The following KATNB1 variants were observed in gnomAD, a reference collection of about 807,000 sequenced individuals.
The protein encoded by KATNB1 is katanin regulatory subunit B1.
In KATNB1, 38 loss-of-function variants were observed where a neutral mutation model predicts 82.3. The observed-to-expected ratio is 0.46, with a 90% CI of 0.36 to 0.61. The LOEUF is 0.61. KATNB1 is among the 20% of genes least tolerant of loss of function. The probability of loss-of-function intolerance (pLI) is 0.00; values close to 1 mark genes in which losing one functional copy is unlikely to be tolerated. For synonymous variants in KATNB1, 361 were observed against 368.7 expected (o/e 0.98, Z 0.24); for missense variants, 749 against 915.7 (o/e 0.82, Z 2.35).
rs149709076 is a variant in KATNB1 at position 57,744,402 on chromosome 16, G to A, written c.180G>A (p.Thr60=). 95 of 1,613,082 alleles carry A rather than the reference G, an allele frequency of 5.9e-5. 1 individual carries two copies. In the African/African-American group the frequency reaches 9.1e-4, roughly 15 times the overall value. Residue 60 remains threonine, a synonymous_variant, in exon 4 of 20, where the codon ACG becomes ACA. Coordinates refer to ENST00000379661, the MANE Select transcript of KATNB1 (RefSeq NM_005886.3). ...INKPNCIMSL[T]GHTSPVESVR... Reference sequence around the variant, plus strand: ...CTGCTCTCTCTCCACAGAGCCTGACGGGCCACACATCCCCAGTGGAGAGCG... The same window carrying A: ...CTGCTCTCTCTCCACAGAGCCTGACAGGCCACACATCCCCAGTGGAGAGCG...
chr16:57,748,314 A>C (rs1475216994), intron 4 of KATNB1, among the ~76,000 whole-genome samples: 1 of 152,086 alleles, frequency 6.6e-6, no homozygotes, highest in Non-Finnish European at 1.5e-5. Flanking sequence ...TTGAGGCCCC[A>C]GGTGTGGAAA....
Position 57,755,212 on chromosome 16 carries a change from G to C in KATNB1, c.1390G>C (p.Gly464Arg). 4 of 1,611,530 alleles carry C rather than the reference G, an allele frequency of 2.5e-6. No individual in the cohort carries two copies. Among genetic ancestry groups the C allele is most frequent in the Non-Finnish European group, 3.4e-6 (4 of 1,179,952 alleles). The change falls in exon 15 of 20, where the codon GGG becomes CGG. Residue 464 changes from glycine (G) to arginine (R), a missense_variant. By Grantham distance (125) the Gly-to-Arg change is moderately radical. Transcript: ENST00000379661. The stretch of plus-strand genomic sequence containing the variant: ...CCCTGCCACCCGGAACGAGCCCATC[G>C]GGCTGAAGGCCTCCGACTTCCTGCC... ...IIPATRNEPIGLKASDFLPAV... is the reference protein window; with the variant it reads ...IIPATRNEPIRLKASDFLPAV...
intron 4 of KATNB1, among the ~76,000 whole-genome samples, chr16:57,748,221 C>T (rs1555581961): frequency 1.3e-5 from 2 of 152,150 alleles, no homozygotes; most frequent in Non-Finnish European, 2.9e-5. Flanking sequence ...AACTTGCCAT[C>T]AGCACAGCAG....
Position 57,757,060 on chromosome 16 carries a change from C to T in KATNB1, c.*114C>T. On this transcript the variant is annotated 3_prime_UTR_variant, in exon 20 of 20. Transcript: ENST00000379661. ...CCTCTGCCTGGCCCCTGCTGCTGTC[C>T]TGTGGCCGTCCTGGAGGAGGTGATG... is the stretch of plus-strand genomic sequence containing the variant. 4 of 1,234,336 alleles carry T rather than the reference C, an allele frequency of 3.2e-6. No individual in the cohort carries two copies. Among genetic ancestry groups the T allele is most frequent in the Non-Finnish European group, 4.2e-6 (4 of 946,558 alleles). The allele number at this position is 1,234,336 out of a possible 1,614,324, so 76.5% of individuals were successfully genotyped here. A position where few individuals can be genotyped will look rare whatever the true frequency, so the allele number is the denominator to read the frequency against.
At chr16:57,738,120 T>C (rs1179737310) in intron 2 of KATNB1, among the ~76,000 whole-genome samples, 1 of 152,194 alleles carries the variant, frequency 6.6e-6, no homozygotes, top group African/African-American at 2.4e-5. Context: ...ATTTTGAGAA[T>C]TCCCCTACAC....
intron 3 of KATNB1, among the ~76,000 whole-genome samples, chr16:57,743,612 T>C (rs1421226650): frequency 1.3e-5 from 2 of 151,584 alleles, no homozygotes; most frequent in African/African-American, 4.9e-5. Flanking sequence ...TGCAGGCTTG[T>C]TTTAGAACGC....
At chr16:57,745,873 C>T (rs2049180866) in intron 4 of KATNB1, among the ~76,000 whole-genome samples, 1 of 152,010 alleles carries the variant, frequency 6.6e-6, no homozygotes, top group South Asian at 2.1e-4. Context: ...GAGTAAAGCT[C>T]CTCCTGTTTC....
intron 2 of KATNB1, among the ~76,000 whole-genome samples, chr16:57,740,440 A>G (rs2049133407): frequency 6.6e-6 from 1 of 152,164 alleles, no homozygotes; most frequent in Non-Finnish European, 1.5e-5. Flanking sequence ...CGCAGCAGAG[A>G]CACCCAGGCA....
intron 4 of KATNB1, among the ~76,000 whole-genome samples, chr16:57,748,723 C>T (rs1555582237): frequency 6.6e-6 from 1 of 152,226 alleles, no homozygotes; most frequent in African/African-American, 2.4e-5. Context: ...AGAATGTGGT[C>T]CTGCCTGCTT....
At chr16:57,736,404 C>A (rs1385234384) in intron 1 of KATNB1, among the ~76,000 whole-genome samples, 1 of 152,000 alleles carries the variant, frequency 6.6e-6, no homozygotes, top group African/African-American at 2.4e-5. Context: ...CATGAGGAGG[C>A]CTTTTAGAGT....
chr16:57,736,096 T>TG (rs1383769516), intron 1 of KATNB1: 4 of 152,198 alleles, frequency 2.6e-5, no homozygotes, highest in African/African-American at 9.7e-5. Flanking sequence ...GAAGCAGAGC[T>TG]GGGGGTCTGC....
rs782294121 is a variant in KATNB1, at chr16:57,753,382, C to A, written c.1047-7C>A. On this transcript the variant is annotated splice_region_variant and splice_polypyrimidine_tract_variant and intron_variant, in intron 11 of 19. Transcript: ENST00000379661. ...TGCTTCCGTTGGGCTTGGCCTCACG[C>A]TCCCAGGGTGAAGCAGAACTCAGAG... 3 of 1,610,946 alleles carry A rather than the reference C, an allele frequency of 1.9e-6. No homozygotes were observed. Among genetic ancestry groups the A allele is most frequent in the Non-Finnish European group, 2.5e-6 (3 of 1,178,654 alleles).
chr16:57,747,806 C>T (rs528138345), intron 4 of KATNB1, among the ~76,000 whole-genome samples: 7 of 152,342 alleles, frequency 4.6e-5, no homozygotes, highest in African/African-American at 7.2e-5. Flanking sequence ...CCGAGGGCGC[C>T]GTGCCCCCTG....
At chr16:57,742,583 A>G (rs1555580045) in intron 3 of KATNB1, among the ~76,000 whole-genome samples, 1 of 152,280 alleles carries the variant, frequency 6.6e-6, no homozygotes, top group Non-Finnish European at 1.5e-5. Context: ...ACTCTTGTGC[A>G]GCCTGGTTTT....
At position 57,751,714 on chromosome 16, in the gene KATNB1, A is replaced by G; in HGVS notation, c.506A>G (p.His169Arg). 1 of 1,610,000 alleles carries G rather than the reference A, an allele frequency of 6.2e-7. No individual in the cohort carries two copies. Among genetic ancestry groups the G allele is most frequent in the Non-Finnish European group, 8.5e-7 (1 of 1,179,992 alleles). ...GKWLASAADD[H>R]TVKLWDLTAG... ...TGGTTGGCGTCGGCCGCAGATGACC[A>G]CACCGTGAAGGTAGCTCCCGGCCTG... The change falls in exon 7 of 20, where the codon CAC (histidine) becomes CGC (arginine). Residue 169 changes from histidine to arginine, a missense_variant. By Grantham distance (29) the His-to-Arg change is conservative. Around this residue, in one of 3 missense-constraint regions of KATNB1, gnomAD observed 247 missense variants for 349.4 expected, o/e 0.71. Transcript: ENST00000379661. The surrounding 1 kb of genome is among the most constrained non-coding windows in gnomAD (Gnocchi z 6.3).
chr16:57,737,372 TTCTTG>T, intron 2 of KATNB1, 89 bp downstream of exon 2: 1 of 1,462,428 alleles, frequency 6.8e-7, no homozygotes, highest in Non-Finnish European at 9.5e-7. Context: ...TTGTTTCCTG[TTCTTG>T]GCACAGGAGG....
chr16:57,751,164 G>T lies in KATNB1; in HGVS notation c.391-97G>T. The T allele has an allele frequency of 8.4e-7, 1 of 1,196,094 alleles. No individual in the cohort carries two copies. The highest frequency in any genetic ancestry group is 1.2e-6 in the Non-Finnish European group (1 of 803,708). The allele number at this position is 1,196,094 out of a possible 1,614,324, so 74.1% of individuals were successfully genotyped here. A position where few individuals can be genotyped will look rare whatever the true frequency, so the allele number is the denominator to read the frequency against. ...CCGTGGGGAGTAACGACCTAGAGAAGGCTGGGCCCCACCGTCTGCTCACGA... is the reference window on the plus strand; with the variant it reads ...CCGTGGGGAGTAACGACCTAGAGAATGCTGGGCCCCACCGTCTGCTCACGA... On this transcript the variant is annotated intron_variant, in intron 5 of 19. Transcript: ENST00000379661. The surrounding 1 kb of genome is among the most constrained non-coding windows in gnomAD (Gnocchi z 6.3).
At chr16:57,746,720 G>C (rs1454500142) in intron 4 of KATNB1, among the ~76,000 whole-genome samples, 1 of 152,032 alleles carries the variant, frequency 6.6e-6, no homozygotes, top group Non-Finnish European at 1.5e-5. Flanking sequence ...TGCCTTAGCA[G>C]GTGGTGCCAG....
chr16:57,754,842 A>C (rs1363099132), intron 13 of KATNB1, 88 bp from the exon 14 acceptor site: 17 of 1,341,246 alleles, frequency 1.3e-5, no homozygotes, highest in Non-Finnish European at 1.8e-5. Context: ...CCCCCATTGC[A>C]GATGCTGCCC....
Sources: gnomAD v4.1 joint callset for allele counts (sites outside exome capture counted in the v4.1 genomes callset) on GRCh38, gnomAD v4.1.1 for gene constraint, gnomAD v4.1.1 regional missense constraint, Gnocchi (gnomAD v3.1) non-coding constraint, MANE v1.5 for transcripts, NCBI Gene and HGNC (gene_info 2026-07-23, HGNC 2026-07-21) for gene names.